IL1RAPL2: variants seen among roughly 807,000 people sequenced by gnomAD.
IL1RAPL2 encodes the protein interleukin 1 receptor accessory protein like 2.
In IL1RAPL2, 3 loss-of-function variants were observed where a neutral mutation model predicts 44.1. That is an observed-to-expected ratio of 0.07 (90% CI 0.03 to 0.18). The LOEUF (loss-of-function observed/expected upper bound fraction) is 0.18. Ranked by LOEUF, IL1RAPL2 falls within the 10% of genes least tolerant of loss-of-function variation. The pLI is 1.00. For synonymous variants in IL1RAPL2, 181 were observed against 178.8 expected (o/e 1.01, Z -0.10); for missense variants, 391 against 496.4 (o/e 0.79, Z 2.02).
chrX:105,293,202 G>C (rs746107392), intron 5 of IL1RAPL2, among the ~76,000 whole-genome samples: 3 of 109,678 alleles, frequency 2.7e-5, no homozygotes, highest in Non-Finnish European at 5.7e-5. Flanking sequence ...GTGTACATTT[G>C]GTTATTTTCT....
chrX:105,279,516 T>G (rs996618531), intron 5 of IL1RAPL2, among the ~76,000 whole-genome samples: 8 of 111,735 alleles, frequency 7.2e-5, no homozygotes, highest in Non-Finnish European at 1.9e-5. Context: ...AGTGTCGCTC[T>G]GTCACCAGGC....
chrX:105,147,179 T>A (rs966288647), intron 2 of IL1RAPL2, among the ~76,000 whole-genome samples: 16 of 111,604 alleles, frequency 1.4e-4, no homozygotes, highest in African/African-American at 4.9e-4. Context: ...CTCAGAGACA[T>A]AGTTAACATG....
intron 2 of IL1RAPL2, among the ~76,000 whole-genome samples, chrX:105,114,963 T>C (rs1045223106): frequency 8.9e-6 from 1 of 112,065 alleles, no homozygotes; most frequent in African/African-American, 3.2e-5. Context: ...TGGCACATGA[T>C]AGAAGTTCAG....
At chrX:105,143,236 A>T (rs1388086200) in intron 2 of IL1RAPL2, among the ~76,000 whole-genome samples, 1 of 111,814 alleles carries the variant, frequency 8.9e-6, no homozygotes, top group Non-Finnish European at 1.9e-5. Context: ...ATGAACACAA[A>T]CAAATTCACA....
chrX:105,075,231 C>A (rs1183984742), intron 2 of IL1RAPL2, among the ~76,000 whole-genome samples: 23 of 111,566 alleles, frequency 2.1e-4, no homozygotes, highest in Middle Eastern at 4.2e-3. Flanking sequence ...TACCTAATTT[C>A]TGGAGAGTTT....
intron 6 of IL1RAPL2, among the ~76,000 whole-genome samples, chrX:105,497,256 C>T (rs2036362416): frequency 9.0e-6 from 1 of 110,846 alleles, no homozygotes. Context: ...AACTGAAGAA[C>T]TTTGTCAACA....
chrX:104,913,104 A>G (rs1305551378), intron 2 of IL1RAPL2, among the ~76,000 whole-genome samples: 4 of 111,921 alleles, frequency 3.6e-5, no homozygotes, highest in Admixed American at 2.9e-4. Flanking sequence ...GAGACTATGC[A>G]ATCAAAACTA....
chrX:105,203,935 G>T lies in IL1RAPL2; in HGVS notation c.356+8187G>T, dbSNP rs141141649. Among the ~76,000 whole-genome samples, 821 of 111,594 alleles carry T rather than the reference G, an allele frequency of 7.4e-3. 7 individuals are homozygous for T. Among genetic ancestry groups the T allele is most frequent in the African/African-American group, 0.026 (789 of 30,738 alleles). ...GATGTTTTGAAAGCTGAATAATTGTGTGAAATTTCTCAATTTTTAAATTTA... is the reference window on the plus strand; with the variant it reads ...GATGTTTTGAAAGCTGAATAATTGTTTGAAATTTCTCAATTTTTAAATTTA... On this transcript the variant is annotated intron_variant, in intron 3 of 10. Transcript: ENST00000372582.
intron 2 of IL1RAPL2, among the ~76,000 whole-genome samples, chrX:105,084,923 A>G (rs1474203747): frequency 1.8e-5 from 2 of 111,248 alleles, no homozygotes; most frequent in Non-Finnish European, 3.8e-5. Context: ...TGTTCTCATC[A>G]TAGTGAGTGA....
At chrX:105,129,398 ACTT>A (rs1243426967) in intron 2 of IL1RAPL2, among the ~76,000 whole-genome samples, 1 of 110,935 alleles carries the variant, frequency 9.0e-6, no homozygotes, top group Non-Finnish European at 1.9e-5. Flanking sequence ...CAAAGGCAAT[ACTT>A]CTTAGTACCA....
intron 6 of IL1RAPL2, among the ~76,000 whole-genome samples, chrX:105,575,017 ATCT>A (rs1391165781): frequency 1.8e-5 from 2 of 111,825 alleles, no homozygotes; most frequent in Admixed American, 9.5e-5. Flanking sequence ...GCATTACTAA[ATCT>A]TCTGAATATA....
chrX:104,645,047 G>A (rs1001239196), intron 1 of IL1RAPL2, among the ~76,000 whole-genome samples: 1 of 111,041 alleles, frequency 9.0e-6, no homozygotes, highest in African/African-American at 3.3e-5. Flanking sequence ...TATTCCCTTG[G>A]TGTTCCTCCT....
intron 2 of IL1RAPL2, among the ~76,000 whole-genome samples, chrX:104,851,599 A>T (rs1400283434): frequency 1.8e-5 from 2 of 111,449 alleles, no homozygotes; most frequent in African/African-American, 6.5e-5. Flanking sequence ...AGTACAAAGG[A>T]CTCAGTCATT....
chrX:105,630,472 T>C, intron 6 of IL1RAPL2, among the ~76,000 whole-genome samples: 1 of 108,121 alleles, frequency 9.2e-6, no homozygotes, highest in Middle Eastern at 4.3e-3. Context: ...AAGATGCAAA[T>C]TGAGTCTGTC....
chrX:104,914,914 C>T (rs1286428174), intron 2 of IL1RAPL2, among the ~76,000 whole-genome samples: 3 of 111,742 alleles, frequency 2.7e-5, no homozygotes, highest in Non-Finnish European at 5.6e-5. Context: ...TTTATGGCTG[C>T]ATAGTATTCC....
At chrX:104,732,110 G>A (rs928493130) in intron 2 of IL1RAPL2, among the ~76,000 whole-genome samples, 1 of 111,940 alleles carries the variant, frequency 8.9e-6, no homozygotes, top group East Asian at 2.8e-4. Flanking sequence ...ATTTAGAATT[G>A]AATAATGATG....
At chrX:104,605,541 GAA>G (rs1928989894) in intron 1 of IL1RAPL2, among the ~76,000 whole-genome samples, 1 of 111,416 alleles carries the variant, frequency 9.0e-6, no homozygotes, top group African/African-American at 3.3e-5. Context: ...CTGGTTCTGT[GAA>G]AAGATCAACA....
chrX:104,888,874 A>T, intron 2 of IL1RAPL2, among the ~76,000 whole-genome samples: 1 of 111,726 alleles, frequency 9.0e-6, no homozygotes, highest in Non-Finnish European at 1.9e-5. Context: ...TCCAACTTTT[A>T]CATTCTTACA....
At chrX:104,954,632 G>T (rs941039611) in intron 2 of IL1RAPL2, among the ~76,000 whole-genome samples, 4 of 111,718 alleles carry the variant, frequency 3.6e-5, no homozygotes, top group African/African-American at 1.3e-4. Context: ...GTCTTGAGGG[G>T]CTCAAATGAT....
Sources: allele counts gnomAD v4.1 joint callset (sites outside exome capture counted in the v4.1 genomes callset), GRCh38; gene constraint gnomAD v4.1.1; transcripts MANE v1.5; gene names NCBI Gene and HGNC (gene_info 2026-07-23, HGNC 2026-07-21).